Variants in ZNF385D observed in about 807,000 individuals in gnomAD.
ZNF385D encodes zinc finger protein 659.
In ZNF385D, 15 loss-of-function variants were observed where a neutral mutation model predicts 35.8. That is an observed-to-expected ratio of 0.42 (90% CI 0.28 to 0.64). The LOEUF (loss-of-function observed/expected upper bound fraction) is 0.64, where lower values mean the gene tolerates loss of function less well. Among genes scored for constraint, ZNF385D ranks in the 30% least tolerant of loss-of-function variants. ZNF385D has a pLI of 0.23. For missense variants in ZNF385D, 474 were observed against 494.6 expected (o/e 0.96, Z 0.39); for synonymous variants, 212 against 186.8 (o/e 1.13, Z -1.10).
At chr3:22,215,157 A>G (rs763915144) in intron 2 of ZNF385D, among the ~76,000 whole-genome samples, 10 of 151,950 alleles carry the variant, frequency 6.6e-5, no homozygotes, top group Non-Finnish European at 1.0e-4. Context: ...ATTTTCCCCA[A>G]TATCTGGCGC....
At chr3:21,524,577 T>C (rs185183956) in intron 3 of ZNF385D, among the ~76,000 whole-genome samples, 5 of 152,324 alleles carry the variant, frequency 3.3e-5, no homozygotes, top group East Asian at 1.9e-4. Context: ...TATTTCTCTC[T>C]GTATATAGAA....
intron 2 of ZNF385D, among the ~76,000 whole-genome samples, chr3:21,593,351 C>CT (rs1413975691): frequency 2.6e-5 from 4 of 152,116 alleles, no homozygotes; most frequent in East Asian, 1.9e-4. Context: ...CTAGACAAAT[C>CT]TTTTTTTCTT....
At chr3:21,636,392 A>ATGATTATATATATATATATATATGAT (rs1171265974) in intron 2 of ZNF385D, among the ~76,000 whole-genome samples, 3 of 39,346 alleles carry the variant, frequency 7.6e-5, no homozygotes, top group African/African-American at 3.6e-4. Context: ...ATATATATAT[A>ATGATTATATATATATATATATATGAT]TATATATATA....
intron 3 of ZNF385D, among the ~76,000 whole-genome samples, chr3:21,759,668 T>C (rs987851264): frequency 6.6e-6 from 1 of 152,210 alleles, no homozygotes; most frequent in South Asian, 2.1e-4. Context: ...AATTCATTTA[T>C]GGTTCCTGGG....
intron 1 of ZNF385D, among the ~76,000 whole-genome samples, chr3:21,719,593 C>T (rs561494495): frequency 3.9e-5 from 6 of 152,254 alleles, no homozygotes; most frequent in East Asian, 1.9e-4. Flanking sequence ...AGACATATGA[C>T]GTATGAACAA....
chr3:22,247,412 T>C (rs970543308), intron 2 of ZNF385D, among the ~76,000 whole-genome samples: 1 of 152,106 alleles, frequency 6.6e-6, no homozygotes. Flanking sequence ...TGCTGATTAC[T>C]AATTTAAGCT....
chr3:22,184,918 G>A (rs1376891731), intron 2 of ZNF385D, among the ~76,000 whole-genome samples: 1 of 152,040 alleles, frequency 6.6e-6, no homozygotes, highest in Non-Finnish European at 1.5e-5. Context: ...TTGTAGTGAT[G>A]TCACTTGGCC....
At chr3:21,566,194 G>C (rs1056353753) in intron 2 of ZNF385D, among the ~76,000 whole-genome samples, 7 of 152,144 alleles carry the variant, frequency 4.6e-5, no homozygotes, top group African/African-American at 1.7e-4. Context: ...AGTGATAAAG[G>C]AGTAGAACTC....
At chr3:21,468,067 C>A (rs1301802827) in intron 4 of ZNF385D, among the ~76,000 whole-genome samples, 2 of 152,022 alleles carry the variant, frequency 1.3e-5, no homozygotes, top group Non-Finnish European at 2.9e-5. Context: ...CATAGTAATT[C>A]CATTTCTAGG....
intron 3 of ZNF385D, among the ~76,000 whole-genome samples, chr3:22,097,180 G>T (rs192621627): frequency 6.6e-6 from 1 of 152,058 alleles, no homozygotes; most frequent in Non-Finnish European, 1.5e-5. Flanking sequence ...AATCCTTTCT[G>T]AATTGTAGAT....
intron 3 of ZNF385D, among the ~76,000 whole-genome samples, chr3:21,976,501 G>T (rs972640042): frequency 6.6e-6 from 1 of 152,086 alleles, no homozygotes; most frequent in Non-Finnish European, 1.5e-5. Context: ...CTGGAAGATA[G>T]ATCAAAAGAA....
At chr3:21,706,716 C>G (rs186234029) in intron 1 of ZNF385D, among the ~76,000 whole-genome samples, 13 of 152,184 alleles carry the variant, frequency 8.5e-5, no homozygotes, top group Admixed American at 7.9e-4. Context: ...TTGCATGCAC[C>G]ATGTACATGA....
chr3:22,067,574 A>G (rs1340338894), intron 3 of ZNF385D, among the ~76,000 whole-genome samples: 2 of 152,208 alleles, frequency 1.3e-5, no homozygotes, highest in African/African-American at 4.8e-5. Context: ...GATTCATAAC[A>G]CTAAAGTTAA....
Position 21,564,638 on chromosome 3 carries a change from G to T in ZNF385D, c.212C>A (p.Pro71His). The T allele has an allele frequency of 6.3e-7, 1 of 1,586,908 alleles. No homozygotes were observed. Among genetic ancestry groups the T allele is most frequent in the Non-Finnish European group, 8.6e-7 (1 of 1,166,374 alleles). Residue 71 changes from proline (P) to histidine (H), a missense_variant, in exon 3 of 8, where the codon CCT becomes CAT. Transcript: ENST00000281523. ...KAVINHTFGV[P>H]LPHRRKQIIS... is the part of the protein sequence containing the mutation. The stretch of plus-strand genomic sequence containing the variant: ...GATTTGCTTTCTTCGGTGGGGAAGA[G>T]GAACCCCGAATGTATGGTTTATTAC...
intron 3 of ZNF385D, among the ~76,000 whole-genome samples, chr3:22,108,461 G>T (rs908628492): frequency 6.6e-6 from 1 of 152,038 alleles, no homozygotes; most frequent in African/African-American, 2.4e-5. Context: ...TGATGACAGG[G>T]ATTAAAAGAT....
At chr3:21,849,668 T>C (rs1381159319) in intron 3 of ZNF385D, 3 of 138,590 alleles carry the variant, frequency 2.2e-5, no homozygotes, top group African/African-American at 7.7e-5. Flanking sequence ...CTGGTCTGAA[T>C]CACTCTCATA....
At chr3:21,840,193 T>A (rs1695574049) in intron 3 of ZNF385D, among the ~76,000 whole-genome samples, 1 of 152,058 alleles carries the variant, frequency 6.6e-6, no homozygotes, top group South Asian at 2.1e-4. Flanking sequence ...ACAGAGGGTA[T>A]ACATGCATTC....
At chr3:22,188,351 T>C (rs999541790) in intron 2 of ZNF385D, among the ~76,000 whole-genome samples, 6 of 152,188 alleles carry the variant, frequency 3.9e-5, no homozygotes, top group African/African-American at 1.4e-4. Context: ...ATAATAGTCT[T>C]GCTTCACATG....
intron 2 of ZNF385D, among the ~76,000 whole-genome samples, chr3:22,313,029 G>A (rs917207959): frequency 6.6e-6 from 1 of 151,872 alleles, no homozygotes; most frequent in Admixed American, 6.6e-5. Flanking sequence ...ACTGGATTAA[G>A]AAAATGTGGC....
Sources: gnomAD v4.1 joint callset for allele counts (sites outside exome capture counted in the v4.1 genomes callset) on GRCh38, gnomAD v4.1.1 for gene constraint, MANE v1.5 for transcripts, NCBI Gene and HGNC (gene_info 2026-07-23, HGNC 2026-07-21) for gene names.